GRIP1: variants seen among roughly 807,000 people sequenced by gnomAD.
GRIP1 encodes glutamate receptor-interacting protein 1.
In GRIP1, 45 loss-of-function variants were observed where a neutral mutation model predicts 129.9. The observed-to-expected ratio is 0.35, with a 90% confidence interval of 0.27 to 0.44. The LOEUF is 0.44. Ranked by LOEUF, GRIP1 falls within the 20% of genes least tolerant of loss-of-function variation. The pLI is 1.00. For missense variants in GRIP1, 1,196 were observed against 1,396.8 expected (o/e 0.86, Z 2.29); for synonymous variants, 530 against 520.8 (o/e 1.02, Z -0.24).
chr12:66,418,496 A>T (rs1380399896), intron 15 of GRIP1, among the ~76,000 whole-genome samples: 2 of 152,220 alleles, frequency 1.3e-5, no homozygotes, highest in Non-Finnish European at 2.9e-5. Flanking sequence ...AACAAAGTGA[A>T]GAGACAACTC....
At chr12:66,862,594 G>A (rs2040131595) in intron 1 of GRIP1, among the ~76,000 whole-genome samples, 1 of 152,046 alleles carries the variant, frequency 6.6e-6, no homozygotes, top group Admixed American at 6.6e-5. Flanking sequence ...GTGCCCACAG[G>A]GTGAAGAGCA....
At chr12:66,447,591 T>A (rs11176184) in intron 11 of GRIP1, among the ~76,000 whole-genome samples, 11,815 of 152,128 alleles carry the variant, frequency 0.078, 1,253 homozygotes, top group African/African-American at 0.23. Context: ...TCTTCCTTTT[T>A]TCCCCCACTA....
intron 3 of GRIP1, among the ~76,000 whole-genome samples, chr12:66,540,227 G>T (rs1420984939): frequency 6.6e-6 from 1 of 152,164 alleles, no homozygotes; most frequent in Non-Finnish European, 1.5e-5. Context: ...TCCACTAATA[G>T]ATTGTGAGCC....
chr12:66,961,538 T>G (rs1434432926), intron 1 of GRIP1, among the ~76,000 whole-genome samples: 3 of 152,208 alleles, frequency 2.0e-5, no homozygotes, highest in Admixed American at 2.0e-4. Context: ...AAAAACCGGT[T>G]TAACCTGTAT....
At chr12:66,762,088 A>C (rs2037493227) in intron 1 of GRIP1, among the ~76,000 whole-genome samples, 1 of 152,234 alleles carries the variant, frequency 6.6e-6, no homozygotes, top group Non-Finnish European at 1.5e-5. Context: ...CCTGGCACAT[A>C]ATAAATTAAA....
chr12:66,501,670 G>A lies in GRIP1; in HGVS notation c.724+13949C>T, dbSNP rs57460565. Among the ~76,000 whole-genome samples the A allele has an allele frequency of 6.9e-3, 1,049 of 152,174 alleles. 34 individuals are homozygous for A. In the East Asian group the frequency reaches 0.1, roughly 15 times the overall value. On this transcript the variant is annotated intron_variant, in intron 7 of 24. Transcript: ENST00000359742. Reference sequence around the variant, plus strand: ...GAAACTCATCACACAAAGAGAGATCGCCTCCCCTGACAGAATTCAGTCAGT... The same window carrying A: ...GAAACTCATCACACAAAGAGAGATCACCTCCCCTGACAGAATTCAGTCAGT...
intron 1 of GRIP1, among the ~76,000 whole-genome samples, chr12:66,903,913 CT>C (rs1439267538): frequency 6.6e-6 from 1 of 151,520 alleles, no homozygotes; most frequent in African/African-American, 2.4e-5. Flanking sequence ...CTCTTCTCTA[CT>C]TTTACTCAGC....
intron 1 of GRIP1, among the ~76,000 whole-genome samples, chr12:67,066,316 T>C (rs1469861650): frequency 6.6e-6 from 1 of 152,214 alleles, no homozygotes; most frequent in African/African-American, 2.4e-5. Context: ...TTTTTCTTCT[T>C]TTTTAGGAAT....
chr12:66,371,379 G>A (rs2055487201), intron 23 of GRIP1, among the ~76,000 whole-genome samples: 1 of 152,076 alleles, frequency 6.6e-6, no homozygotes, highest in African/African-American at 2.4e-5. Context: ...GGCTGGTGTT[G>A]AACTCCTGAC....
At chr12:66,358,675 C>T (rs185829417) in intron 23 of GRIP1, among the ~76,000 whole-genome samples, 1 of 152,208 alleles carries the variant, frequency 6.6e-6, no homozygotes, top group Non-Finnish European at 1.5e-5. Context: ...TCTTGAACTC[C>T]TAACCTAAAA....
intron 1 of GRIP1, among the ~76,000 whole-genome samples, chr12:66,864,497 C>T (rs2040167412): frequency 6.6e-6 from 1 of 151,968 alleles, no homozygotes; most frequent in South Asian, 2.1e-4. Flanking sequence ...AGTAGGATTG[C>T]TTGAGCCTGT....
chr12:66,937,346 C>T (rs2041503131), intron 1 of GRIP1, among the ~76,000 whole-genome samples: 1 of 152,230 alleles, frequency 6.6e-6, no homozygotes, highest in Non-Finnish European at 1.5e-5. Flanking sequence ...TTCTCATCTG[C>T]TCCGCCAGTA....
intron 1 of GRIP1, among the ~76,000 whole-genome samples, chr12:66,617,147 G>A (rs896566633): frequency 1.3e-5 from 2 of 150,166 alleles, no homozygotes; most frequent in Non-Finnish European, 3.0e-5. Flanking sequence ...GTAGATGGGG[G>A]AGGTGAAGAG....
chr12:66,396,972 A>C (rs1232385747), intron 16 of GRIP1, among the ~76,000 whole-genome samples: 1 of 151,866 alleles, frequency 6.6e-6, no homozygotes, highest in African/African-American at 2.4e-5. Flanking sequence ...TTAGCCAGGC[A>C]TGGTGCCTCG....
At chr12:66,523,059 T>G (rs570366482) in intron 5 of GRIP1, among the ~76,000 whole-genome samples, 130 of 152,148 alleles carry the variant, frequency 8.5e-4, no homozygotes, top group African/African-American at 3.0e-3. Context: ...CTGACTGGTG[T>G]ACCTGAAAGT....
intron 1 of GRIP1, among the ~76,000 whole-genome samples, chr12:66,887,311 C>T (rs1261908299): frequency 6.6e-6 from 1 of 152,184 alleles, no homozygotes. Context: ...ATCATAATGC[C>T]TAATTATAAT....
At chr12:66,819,842 C>T (rs150821270) in intron 1 of GRIP1, among the ~76,000 whole-genome samples, 146 of 152,308 alleles carry the variant, frequency 9.6e-4, no homozygotes, top group African/African-American at 3.2e-3. Context: ...AAGACACAAA[C>T]AGGTGAATCA....
intron 1 of GRIP1, among the ~76,000 whole-genome samples, chr12:66,796,685 C>A (rs1445167404): frequency 6.6e-6 from 1 of 152,146 alleles, no homozygotes; most frequent in Non-Finnish European, 1.5e-5. Context: ...ACGGTATCTC[C>A]AGCATGTAGA....
At chr12:66,553,856 T>C (rs986237203) in intron 2 of GRIP1, among the ~76,000 whole-genome samples, 4 of 151,854 alleles carry the variant, frequency 2.6e-5, no homozygotes, top group African/African-American at 4.8e-5. Flanking sequence ...GGAGGAAGCA[T>C]TTGGACCAGC....
Sources: gnomAD v4.1 joint callset for allele counts (sites outside exome capture counted in the v4.1 genomes callset) on GRCh38, gnomAD v4.1.1 for gene constraint, MANE v1.5 for transcripts, NCBI Gene and HGNC (gene_info 2026-07-23, HGNC 2026-07-21) for gene names.